The following SIPA1L1 variants were observed in gnomAD, a reference collection of about 807,000 sequenced individuals.
SIPA1L1 encodes the protein signal-induced proliferation-associated 1-like protein 1.
In SIPA1L1, 26 loss-of-function variants were observed where a neutral mutation model predicts 162.7. That is an observed-to-expected ratio of 0.16 (90% confidence interval 0.12 to 0.22). SIPA1L1 has a LOEUF of 0.22. Ranked by LOEUF, SIPA1L1 falls within the 10% of genes least tolerant of loss-of-function variation. The pLI, the probability that SIPA1L1 is intolerant of heterozygous loss-of-function variation, is 1.00. For missense variants in SIPA1L1, 1,874 were observed against 2,241.0 expected, an observed-to-expected ratio of 0.84 and a Z score of 3.31; for synonymous variants, 829 against 837.4, an observed-to-expected ratio of 0.99 and a Z score of 0.17.
In SIPA1L1 at chr14:71,624,051, A is replaced by G. The variant is rs539297583; in HGVS notation, c.1633A>G (p.Met545Val). The G allele has an allele frequency of 2.8e-4, 449 of 1,600,742 alleles. 2 individuals are homozygous for G. The South Asian group carries it at 4.0e-3, about 14-fold the overall frequency. Residue 545 changes from methionine to valine, a missense_variant, in exon 7 of 24, where the codon ATG becomes GTG. By Grantham distance (21) the Met-to-Val change is conservative (BLOSUM62 1). Transcript: ENST00000381232. ...ACAGCACCTGTCTCTCTTGCAGCTC[A>G]TGACACTGAGAGGTTCGGTCCTGGA... ...YRIIFRTSELMTLRGSVLEDA... is the reference protein window; with the variant it reads ...YRIIFRTSELVTLRGSVLEDA...
chr14:71,644,512 C>T (rs554507113), intron 7 of SIPA1L1, among the ~76,000 whole-genome samples: 1 of 152,354 alleles, frequency 6.6e-6, no homozygotes, highest in African/African-American at 2.4e-5. Flanking sequence ...GCTAGGATTA[C>T]AGGCATGAAC....
At chr14:71,495,916 A>T (rs2049730732) in intron 2 of SIPA1L1, among the ~76,000 whole-genome samples, 1 of 147,158 alleles carries the variant, frequency 6.8e-6, no homozygotes. Flanking sequence ...AAAAAAAAGA[A>T]GAAGAAAGAA....
At chr14:71,488,094 A>T (rs2048919713) in intron 2 of SIPA1L1, among the ~76,000 whole-genome samples, 1 of 152,198 alleles carries the variant, frequency 6.6e-6, no homozygotes, top group African/African-American at 2.4e-5. Context: ...GATATCTAGA[A>T]AAGGAGATGT....
intron 2 of SIPA1L1, among the ~76,000 whole-genome samples, chr14:71,431,696 A>AAAAT (rs1022637068): frequency 2.0e-5 from 3 of 152,150 alleles, no homozygotes; most frequent in East Asian, 3.9e-4. Context: ...TAGTGTCTAG[A>AAAAT]AAATAAATAA....
At chr14:71,642,349 G>A (rs2041799421) in intron 7 of SIPA1L1, among the ~76,000 whole-genome samples, 1 of 152,152 alleles carries the variant, frequency 6.6e-6, no homozygotes, top group African/African-American at 2.4e-5. Context: ...AATTCGCAGA[G>A]CACAGAGAAT....
intron 2 of SIPA1L1, among the ~76,000 whole-genome samples, chr14:71,479,768 C>T (rs1306850692): frequency 6.6e-6 from 1 of 152,112 alleles, no homozygotes; most frequent in Non-Finnish European, 1.5e-5. Context: ...CCCTCTGTCA[C>T]CCACGCAGGA....
intron 2 of SIPA1L1, among the ~76,000 whole-genome samples, chr14:71,409,279 G>A (rs2042238183): frequency 1.3e-5 from 2 of 152,158 alleles, no homozygotes; most frequent in African/African-American, 4.8e-5. Flanking sequence ...ATGGGATGTG[G>A]GTGTGGGGTT....
rs566878490 is a variant in SIPA1L1 at position 71,368,062 on chromosome 14, T to A, written c.-465+46881T>A. On this transcript the variant is annotated intron_variant, in intron 2 of 23. Coordinates refer to ENST00000381232, the MANE Select transcript of SIPA1L1 (RefSeq NM_001386936.1). ...AATAGAACTTAGACTTTTTCGTTGT[T>A]GTTAGAAAATATACTAGACCTTTTC... Among the ~76,000 whole-genome samples the A allele has an allele frequency of 2.6e-5, 4 of 151,582 alleles. 1 individual carries two copies. The East Asian group carries it at 7.7e-4, about 29-fold the overall frequency.
intron 7 of SIPA1L1, among the ~76,000 whole-genome samples, chr14:71,647,496 A>C (rs772029215): frequency 1.4e-4 from 22 of 152,100 alleles, no homozygotes; most frequent in Non-Finnish European, 2.6e-4. Context: ...CCACAAATTC[A>C]GTGTCGCTGT....
In SIPA1L1 at chr14:71,326,665, T is replaced by C. The variant is rs192343253; in HGVS notation, c.-465+5484T>C. On this transcript the variant is annotated intron_variant, in intron 2 of 23. Coordinates refer to ENST00000381232, the MANE Select transcript of SIPA1L1 (RefSeq NM_001386936.1). Reference sequence around the variant, plus strand: ...TGGCTCCATGTTATCTTTCTGTAATTCATTTTCTTCATATTGTAAATTATT... The same window carrying C: ...TGGCTCCATGTTATCTTTCTGTAATCCATTTTCTTCATATTGTAAATTATT... Among the ~76,000 whole-genome samples the C allele has an allele frequency of 4.2e-4, 64 of 152,058 alleles. 1 individual carries two copies. The highest frequency in any genetic ancestry group is 1.5e-3 in the African/African-American group (63 of 41,398).
chr14:71,547,094 C>G (rs1171623066), intron 4 of SIPA1L1, among the ~76,000 whole-genome samples: 1 of 151,868 alleles, frequency 6.6e-6, no homozygotes, highest in Non-Finnish European at 1.5e-5. Flanking sequence ...AAGAGCTCCC[C>G]TAATAGCTCT....
At chr14:71,511,455 T>C (rs2051141815) in intron 2 of SIPA1L1, among the ~76,000 whole-genome samples, 2 of 151,894 alleles carry the variant, frequency 1.3e-5, no homozygotes, top group Non-Finnish European at 2.9e-5. Flanking sequence ...TGGCTAAATT[T>C]TTTATTTTTT....
At chr14:71,499,041 A>T (rs890140327) in intron 2 of SIPA1L1, among the ~76,000 whole-genome samples, 1 of 152,242 alleles carries the variant, frequency 6.6e-6, no homozygotes, top group East Asian at 1.9e-4. Context: ...AACAAGTGAC[A>T]AGAAAAAGTA....
intron 3 of SIPA1L1, among the ~76,000 whole-genome samples, chr14:71,516,289 A>G (rs1394257930): frequency 6.6e-6 from 1 of 152,240 alleles, no homozygotes; most frequent in Non-Finnish European, 1.5e-5. Context: ...TCTTAAATAC[A>G]TACATATTTA....
chr14:71,609,632 A>G (rs1447232468), intron 5 of SIPA1L1, among the ~76,000 whole-genome samples: 1 of 151,926 alleles, frequency 6.6e-6, no homozygotes, highest in East Asian at 1.9e-4. Flanking sequence ...ATGCCCAGCT[A>G]GTTTTTGAAT....
At chr14:71,635,760 TAA>T (rs1423771368) in intron 7 of SIPA1L1, among the ~76,000 whole-genome samples, 1 of 152,144 alleles carries the variant, frequency 6.6e-6, no homozygotes, top group Non-Finnish European at 1.5e-5. Context: ...GCAAAAGATC[TAA>T]ATATACCAAT....
intron 2 of SIPA1L1, among the ~76,000 whole-genome samples, chr14:71,361,808 G>T (rs1159206330): frequency 6.6e-5 from 10 of 152,160 alleles, no homozygotes; most frequent in Admixed American, 6.6e-4. Context: ...TGCACTAGCA[G>T]GTTTTCCAGT....
At chr14:71,511,083 G>C (rs780868034) in intron 2 of SIPA1L1, among the ~76,000 whole-genome samples, 14 of 152,160 alleles carry the variant, frequency 9.2e-5, no homozygotes, top group Admixed American at 2.0e-4. Context: ...GGATGCCTTT[G>C]TTCCCCAGGT....
At chr14:71,381,102 G>T (rs2039856376) in intron 2 of SIPA1L1, among the ~76,000 whole-genome samples, 1 of 152,156 alleles carries the variant, frequency 6.6e-6, no homozygotes, top group African/African-American at 2.4e-5. Context: ...GCCTGGGCTG[G>T]AGTCCAGTGG....
Sources: allele counts gnomAD v4.1 joint callset (sites outside exome capture counted in the v4.1 genomes callset), GRCh38; gene constraint gnomAD v4.1.1; transcripts MANE v1.5; gene names NCBI Gene and HGNC (gene_info 2026-07-23, HGNC 2026-07-21).